Variants in MAGI2 observed in about 807,000 individuals in gnomAD.
MAGI2 encodes the protein membrane-associated guanylate kinase, WW and PDZ domain-containing protein 2.
A neutral mutation model predicts 133.3 loss-of-function variants in MAGI2; 35 were observed. The ratio of observed to expected loss-of-function variants is 0.26; its 90% CI spans 0.20 to 0.35. MAGI2 has a LOEUF of 0.35. MAGI2 is among the 10% of genes least tolerant of loss of function. The pLI is 1.00. For synonymous variants in MAGI2, 729 were observed against 710.6 expected, an observed-to-expected ratio of 1.03 and a Z score of -0.41; for missense variants, 1,636 against 1,863.4, an observed-to-expected ratio of 0.88 and a Z score of 2.25.
chr7:78,626,826 ATGTGTGTGTGTGTGTG>A lies in MAGI2; in HGVS notation c.538+278_538+293del, dbSNP rs71085549. ...AGGAGACAAGCACAAGAATACTTCA[ATGTGTGTGTGTGTGTG>A]TGTGTGTGTGTGTGTGTGTATAAAA... On this transcript the variant is annotated intron_variant, in intron 3 of 21. Coordinates refer to ENST00000354212, the MANE Select transcript of MAGI2 (RefSeq NM_012301.4). 3.0e-3 allele frequency among the ~76,000 whole-genome samples: 448 copies of A among 148,436 alleles called. 3 individuals are homozygous for A. Among genetic ancestry groups the A allele is most frequent in the African/African-American group, 0.01 (421 of 40,348 alleles).
At chr7:79,186,769 A>ACAAAAC (rs1827203568) in intron 1 of MAGI2, among the ~76,000 whole-genome samples, 1 of 112,290 alleles carries the variant, frequency 8.9e-6, no homozygotes, top group African/African-American at 2.7e-5. Context: ...ATATATATAT[A>ACAAAAC]TATATATACA....
chr7:78,600,084 T>C (rs1322213357), intron 3 of MAGI2, among the ~76,000 whole-genome samples: 1 of 152,176 alleles, frequency 6.6e-6, no homozygotes, highest in Admixed American at 6.5e-5. Flanking sequence ...TAAAAACCAA[T>C]AAAATTGGAT....
intron 2 of MAGI2, among the ~76,000 whole-genome samples, chr7:78,879,870 A>G (rs1795713472): frequency 6.6e-6 from 1 of 152,126 alleles, no homozygotes; most frequent in Non-Finnish European, 1.5e-5. Context: ...AACATATTTA[A>G]AAGTAATCAA....
intron 1 of MAGI2, among the ~76,000 whole-genome samples, chr7:79,263,889 T>A (rs1042624074): frequency 2.6e-5 from 4 of 152,094 alleles, no homozygotes; most frequent in Admixed American, 1.3e-4. Context: ...TAGAAAAAAA[T>A]ACTGAAAAAG....
At chr7:79,254,576 G>A (rs1387233513) in intron 1 of MAGI2, among the ~76,000 whole-genome samples, 1 of 152,124 alleles carries the variant, frequency 6.6e-6, no homozygotes, top group Admixed American at 6.6e-5. Flanking sequence ...TTCTATAAAT[G>A]GTTAGGCAGT....
At chr7:78,274,710 C>T (rs1433451848) in intron 9 of MAGI2, among the ~76,000 whole-genome samples, 1 of 152,020 alleles carries the variant, frequency 6.6e-6, no homozygotes, top group Non-Finnish European at 1.5e-5. Context: ...CCCCTCAGTT[C>T]GTACTTCATG....
chr7:79,265,062 G>A (rs1027164755), intron 1 of MAGI2, among the ~76,000 whole-genome samples: 4 of 152,078 alleles, frequency 2.6e-5, no homozygotes, highest in African/African-American at 7.2e-5. Flanking sequence ...GAGGTTTAGA[G>A]CAGACAAATA....
chr7:78,024,526 C>T (rs915608191), intron 21 of MAGI2, among the ~76,000 whole-genome samples: 1 of 152,188 alleles, frequency 6.6e-6, no homozygotes, highest in Non-Finnish European at 1.5e-5. Context: ...ATTCCTTTCT[C>T]TCCCTTACTG....
intron 2 of MAGI2, among the ~76,000 whole-genome samples, chr7:78,925,000 T>C (rs1799582707): frequency 6.6e-6 from 1 of 152,024 alleles, no homozygotes; most frequent in African/African-American, 2.4e-5. Flanking sequence ...GTGCTTTATT[T>C]TGACATGTGA....
intron 1 of MAGI2, among the ~76,000 whole-genome samples, chr7:79,384,539 T>G (rs1844042945): frequency 6.6e-6 from 1 of 151,630 alleles, no homozygotes; most frequent in Admixed American, 6.6e-5. Context: ...TAAAATAGCT[T>G]AAATATGAGA....
chr7:79,177,341 G>C (rs535948631), intron 1 of MAGI2: 1 of 151,958 alleles, frequency 6.6e-6, no homozygotes, highest in South Asian at 2.1e-4. Context: ...CATGAAAAAA[G>C]AATTAGTAAT....
At chr7:78,903,064 C>T (rs1453478792) in intron 2 of MAGI2, among the ~76,000 whole-genome samples, 3 of 149,310 alleles carry the variant, frequency 2.0e-5, no homozygotes, top group Non-Finnish European at 4.4e-5. Context: ...GCAGTCTGAA[C>T]TCATTGTCCT....
intron 4 of MAGI2, among the ~76,000 whole-genome samples, chr7:78,509,174 T>G (rs941258591): frequency 6.6e-5 from 10 of 152,088 alleles, no homozygotes; most frequent in Non-Finnish European, 1.3e-4. Context: ...AATATTTCAG[T>G]AAAGAAGAAA....
At chr7:78,573,537 C>T (rs566847406) in intron 3 of MAGI2, among the ~76,000 whole-genome samples, 7 of 146,200 alleles carry the variant, frequency 4.8e-5, no homozygotes, top group African/African-American at 1.8e-4. Flanking sequence ...CCTTTCGGGT[C>T]GCTTGATAAA....
intron 9 of MAGI2, among the ~76,000 whole-genome samples, chr7:78,311,891 C>A (rs1798738995): frequency 1.3e-5 from 2 of 151,974 alleles, no homozygotes; most frequent in South Asian, 4.1e-4. Flanking sequence ...CTGACTCAGC[C>A]TCCCTAGTAG....
At position 79,453,444 on chromosome 7, in the gene MAGI2, C is replaced by T. The variant is rs1276851076; in HGVS notation, c.-124G>A. On this transcript the variant is annotated 5_prime_UTR_variant, in exon 1 of 22. Transcript: ENST00000354212. The stretch of plus-strand genomic sequence containing the variant: ...GAACAGCAGACTTTGCCTTCGCCCC[C>T]CTCTATTCGGTGCTTTCCCTCTTCT... The T allele has an allele frequency of 1.3e-6, 2 of 1,489,792 alleles. No individual in the cohort carries two copies. Among genetic ancestry groups the T allele is most frequent in the Non-Finnish European group, 1.8e-6 (2 of 1,127,732 alleles). 92.3% of individuals were successfully genotyped at this position (1,489,792 alleles called of 1,614,324 possible).
chr7:78,330,462 A>G lies in MAGI2; in HGVS notation c.1408+13316T>C, dbSNP rs998728689. On this transcript the variant is annotated intron_variant, in intron 9 of 21. Transcript: ENST00000354212. ...GAAACCCTGTCTCTACTAAAAATAC[A>G]AAAAATTAGCCGGGCGAGGTGGCGG... 3.3e-5 allele frequency among the ~76,000 whole-genome samples: 3 copies of G among 89,736 alleles called. 1 individual carries two copies. The highest frequency in any genetic ancestry group is 2.1e-4 in the Admixed American group (2 of 9,640). 58.9% of individuals were successfully genotyped at this position (89,736 alleles called of 152,430 possible).
At chr7:78,336,255 C>T (rs1476348109) in intron 9 of MAGI2, among the ~76,000 whole-genome samples, 1 of 152,084 alleles carries the variant, frequency 6.6e-6, no homozygotes, top group African/African-American at 2.4e-5. Flanking sequence ...TTCTAGAAAC[C>T]TGGAATCAGT....
intron 1 of MAGI2, among the ~76,000 whole-genome samples, chr7:79,159,603 AAACT>A (rs1291691095): frequency 5.9e-5 from 9 of 152,114 alleles, no homozygotes; most frequent in South Asian, 2.1e-4. Flanking sequence ...CACTAATACA[AAACT>A]AACTAATTGG....
Sources: allele counts gnomAD v4.1 joint callset (sites outside exome capture counted in the v4.1 genomes callset), GRCh38; gene constraint gnomAD v4.1.1; transcripts MANE v1.5; gene names NCBI Gene and HGNC (gene_info 2026-07-23, HGNC 2026-07-21).